The following PAPPA variants were observed in gnomAD, a reference collection of about 807,000 sequenced individuals.
PAPPA encodes the protein pappalysin-1.
In PAPPA, 60 loss-of-function variants were observed where a neutral mutation model predicts 164.0. The ratio of observed to expected loss-of-function variants is 0.37; its 90% CI spans 0.30 to 0.45. The LOEUF is 0.45. Ranked by LOEUF, PAPPA falls within the 20% of genes least tolerant of loss-of-function variation. PAPPA has a pLI of 1.00. For synonymous variants in PAPPA, 875 were observed against 814.1 expected (o/e 1.07, Z -1.27); for missense variants, 1,782 against 2,087.3 (o/e 0.85, Z 2.85).
chr9:116,377,108 A>T (rs945223331), intron 19 of PAPPA, among the ~76,000 whole-genome samples: 2 of 152,114 alleles, frequency 1.3e-5, no homozygotes, highest in African/African-American at 4.8e-5. Flanking sequence ...TCTTCAGCTC[A>T]TGCTTTGAGA....
At chr9:116,202,363 G>A (rs919307372) in intron 2 of PAPPA, among the ~76,000 whole-genome samples, 6 of 152,148 alleles carry the variant, frequency 3.9e-5, no homozygotes, top group South Asian at 2.1e-4. Context: ...ACTTACCAAC[G>A]AGTGAGATGC....
chr9:116,230,138 C>T (rs1272322515), intron 6 of PAPPA, among the ~76,000 whole-genome samples: 3 of 152,138 alleles, frequency 2.0e-5, no homozygotes, highest in Non-Finnish European at 2.9e-5. Context: ...TTGGGTTTTC[C>T]TCCTATGTAA....
chr9:116,305,007 A>T (rs1047054841), intron 10 of PAPPA, among the ~76,000 whole-genome samples: 1 of 151,992 alleles, frequency 6.6e-6, no homozygotes, highest in Non-Finnish European at 1.5e-5. Context: ...GCAGAACAAA[A>T]GTCTCCTGAA....
chr9:116,283,285 G>C (rs1031235765), intron 9 of PAPPA, among the ~76,000 whole-genome samples: 3 of 152,170 alleles, frequency 2.0e-5, no homozygotes, highest in Non-Finnish European at 4.4e-5. Context: ...GGCATTAGAG[G>C]TCCCCTGGGA....
In PAPPA at chr9:116,235,238, C is replaced by T; in HGVS notation, c.2333C>T (p.Pro778Leu). 6.2e-7 allele frequency: 1 copy of T among 1,614,174 alleles called. No individual in the cohort carries two copies. Among genetic ancestry groups the T allele is most frequent in the Non-Finnish European group, 8.5e-7 (1 of 1,180,022 alleles). Residue 778 changes from proline (P) to leucine (L), a missense_variant, in exon 7 of 22, where the codon CCT becomes CTT. Transcript: ENST00000328252. ...ACGGTTCCTCCAGCCTGCCCTGAGCCTCAAGGCTGCTACCTCGAGCTGGAG... is the reference window on the plus strand; with the variant it reads ...ACGGTTCCTCCAGCCTGCCCTGAGCTTCAAGGCTGCTACCTCGAGCTGGAG... ...PHTVPPACPE[P>L]QGCYLELEFL... is the part of the protein sequence containing the mutation.
At chr9:116,267,765 C>T (rs1421713009) in intron 8 of PAPPA, among the ~76,000 whole-genome samples, 1 of 151,364 alleles carries the variant, frequency 6.6e-6, no homozygotes, top group African/African-American at 2.4e-5. Flanking sequence ...GTCCCAGCTA[C>T]TCGGGAGGCT....
chr9:116,232,132 T>C (rs1354860500), intron 6 of PAPPA, among the ~76,000 whole-genome samples: 2 of 152,162 alleles, frequency 1.3e-5, no homozygotes, highest in East Asian at 1.9e-4. Flanking sequence ...TCTATTTCAG[T>C]GTAAAGTTCA....
intron 9 of PAPPA, among the ~76,000 whole-genome samples, chr9:116,281,431 A>G (rs1215633305): frequency 6.6e-6 from 1 of 152,154 alleles, no homozygotes; most frequent in Non-Finnish European, 1.5e-5. Context: ...CCTTAAGGGA[A>G]GAAGCCTTGC....
chr9:116,253,531 C>A (rs770910135), intron 7 of PAPPA, among the ~76,000 whole-genome samples: 1 of 152,116 alleles, frequency 6.6e-6, no homozygotes, highest in East Asian at 1.9e-4. Flanking sequence ...CAAGGGCATA[C>A]AATACTTTCT....
intron 21 of PAPPA, among the ~76,000 whole-genome samples, chr9:116,389,279 C>G (rs1425332903): frequency 6.6e-6 from 1 of 152,006 alleles, no homozygotes; most frequent in Non-Finnish European, 1.5e-5. Flanking sequence ...ATTACAGGCA[C>G]ACACCACCAC....
At chr9:116,208,711 T>C (rs1202526517) in intron 3 of PAPPA, among the ~76,000 whole-genome samples, 1 of 152,234 alleles carries the variant, frequency 6.6e-6, no homozygotes, top group African/African-American at 2.4e-5. Flanking sequence ...ATTGCTATTC[T>C]GTCTTGGAAA....
intron 6 of PAPPA, among the ~76,000 whole-genome samples, chr9:116,233,159 T>C (rs1844619024): frequency 1.3e-5 from 2 of 152,232 alleles, no homozygotes; most frequent in Admixed American, 6.5e-5. Flanking sequence ...GCTATGTGAA[T>C]ACTCTATGGA....
chr9:116,318,580 CT>C (rs1280755026), intron 10 of PAPPA: 1 of 152,130 alleles, frequency 6.6e-6, no homozygotes, highest in Non-Finnish European at 1.5e-5. Context: ...GCATCCCACT[CT>C]TTTAACCCCG....
At position 116,398,862 on chromosome 9, in the gene PAPPA, T is replaced by C. The variant is rs1847005519; in HGVS notation, c.*2246T>C. ...AGAAATAAGAATAGTATTAGAAGAA[T>C]TGATCCTATTTTGAACCCCTCTCCA... On this transcript the variant is annotated 3_prime_UTR_variant, in exon 22 of 22. Coordinates refer to ENST00000328252, the MANE Select transcript of PAPPA (RefSeq NM_002581.5). 2.7e-6 allele frequency: 1 copy of C among 364,864 alleles called. No individual in the cohort carries two copies. The highest frequency in any genetic ancestry group is 5.4e-6 in the Non-Finnish European group (1 of 185,298). 22.6% of individuals were successfully genotyped at this position (364,864 alleles called of 1,614,324 possible).
intron 19 of PAPPA, among the ~76,000 whole-genome samples, chr9:116,375,248 T>C (rs982265225): frequency 2.6e-5 from 4 of 152,236 alleles, no homozygotes; most frequent in Non-Finnish European, 5.9e-5. Flanking sequence ...TACCACTTTA[T>C]GCGTGTACTG....
intron 1 of PAPPA, among the ~76,000 whole-genome samples, chr9:116,166,505 C>G (rs1843721264): frequency 6.6e-6 from 1 of 152,174 alleles, no homozygotes; most frequent in Non-Finnish European, 1.5e-5. Flanking sequence ...ATGGGGCTTT[C>G]TATCTGCTTT....
intron 17 of PAPPA, among the ~76,000 whole-genome samples, chr9:116,356,898 C>A (rs940969409): frequency 2.6e-5 from 4 of 152,170 alleles, no homozygotes; most frequent in African/African-American, 9.7e-5. Flanking sequence ...CACCATGGCA[C>A]CTGTATACCC....
intron 1 of PAPPA, among the ~76,000 whole-genome samples, chr9:116,155,648 A>G (rs1157408787): frequency 2.0e-5 from 3 of 152,114 alleles, no homozygotes; most frequent in Non-Finnish European, 4.4e-5. Flanking sequence ...ACCCCCTCAC[A>G]CACACACTTT....
intron 13 of PAPPA, among the ~76,000 whole-genome samples, chr9:116,337,226 C>T (rs1846072454): frequency 6.6e-6 from 1 of 152,184 alleles, no homozygotes; most frequent in Admixed American, 6.5e-5. Flanking sequence ...AGGTCTTTGG[C>T]TGCCTTATCC....
Sources: allele counts gnomAD v4.1 joint callset (sites outside exome capture counted in the v4.1 genomes callset), GRCh38; gene constraint gnomAD v4.1.1; transcripts MANE v1.5; gene names NCBI Gene and HGNC (gene_info 2026-07-23, HGNC 2026-07-21).